BBS4: variants seen among roughly 807,000 people sequenced by gnomAD.
BBS4 encodes Bardet-Biedl syndrome 4, also known as BBSome complex member BBS4.
Under a neutral mutation model 71.4 loss-of-function variants are expected in BBS4, and 58 were observed. The ratio of observed to expected loss-of-function variants is 0.81; its 90% CI spans 0.66 to 1.01. The LOEUF is 1.01. Ranked by LOEUF, BBS4 falls within the 50% of genes least tolerant of loss-of-function variation. BBS4 has a pLI of 0.00. For missense variants in BBS4, 660 were observed against 607.9 expected (o/e 1.09, Z -0.90); for synonymous variants, 228 against 216.8 (o/e 1.05, Z -0.46).
At chr15:72,726,255 G>T (rs981588759) in intron 8 of BBS4, among the ~76,000 whole-genome samples, 1 of 151,746 alleles carries the variant, frequency 6.6e-6, no homozygotes, top group African/African-American at 2.4e-5. Flanking sequence ...GGGACTGCAC[G>T]AGCACGCCAC....
intron 2 of BBS4, among the ~76,000 whole-genome samples, chr15:72,705,054 A>G (rs2065239200): frequency 2.0e-5 from 3 of 152,136 alleles, no homozygotes; most frequent in African/African-American, 7.2e-5. Context: ...TGACCCTTCT[A>G]TTTAAAAGTA....
intron 7 of BBS4, 25 bp downstream of exon 7, chr15:72,722,872 T>G (rs1418597750): frequency 6.3e-7 from 1 of 1,599,984 alleles, no homozygotes; most frequent in Non-Finnish European, 8.6e-7. Context: ...TGGTGATAGA[T>G]TTCACTGAGG....
At chr15:72,696,384 C>CT (rs537953823) in intron 2 of BBS4, among the ~76,000 whole-genome samples, 5 of 152,078 alleles carry the variant, frequency 3.3e-5, no homozygotes, top group African/African-American at 1.2e-4. Flanking sequence ...GTAAAATTCC[C>CT]TTTTTTTAGT....
intron 10 of BBS4, among the ~76,000 whole-genome samples, chr15:72,730,300 TAAAAA>T (rs959979485): frequency 3.5e-5 from 5 of 141,576 alleles, no homozygotes; most frequent in Non-Finnish European, 6.1e-5. Flanking sequence ...AAATAAAAAA[TAAAAA>T]AAATAAATCT....
intron 2 of BBS4, 84 bp downstream of exon 2, chr15:72,695,312 C>CAG (rs1367088562): frequency 2.1e-6 from 2 of 949,044 alleles, no homozygotes; most frequent in Non-Finnish European, 3.2e-6. Context: ...TTTTTGGAGG[C>CAG]AGAGTCTCAC....
In BBS4 at chr15:72,736,842, C is replaced by T. The variant is rs2065934846; in HGVS notation, c.1329C>T (p.Pro443=). 1 of 1,614,038 alleles carries T rather than the reference C, an allele frequency of 6.2e-7. No homozygotes were observed. The highest frequency in any genetic ancestry group is 1.7e-5 in the Admixed American group (1 of 59,996). Residue 443 remains proline, a synonymous_variant, in exon 15 of 16, where the codon CCC becomes CCT. Coordinates refer to ENST00000268057, the MANE Select transcript of BBS4 (RefSeq NM_033028.5). ...TCTGGACCAAACCAGTTAAAGATCC[C>T]AAATCAAAGCACCAGACCACTTCAA... ...ALVWTKPVKD[P]KSKHQTTSTS... is the part of the protein sequence containing the mutation.
chr15:72,718,508 G>T lies in BBS4; in HGVS notation c.405+1658G>T, dbSNP rs1240705796. The stretch of plus-strand genomic sequence containing the variant: ...AGAATTAGCATGGATTTCCTTTGCA[G>T]TTCTTACGGGGCACTATTATTTTTG... On this transcript the variant is annotated intron_variant, in intron 6 of 15. Coordinates refer to ENST00000268057, the MANE Select transcript of BBS4 (RefSeq NM_033028.5). Among the ~76,000 whole-genome samples, 6 of 152,196 alleles carry T rather than the reference G, an allele frequency of 3.9e-5. 1 individual carries two copies. Among genetic ancestry groups the T allele is most frequent in the Admixed American group, 3.3e-4 (5 of 15,266 alleles).
Position 72,695,207 on chromosome 15 carries a change from CA to C in BBS4, c.60del (p.Lys20AsnfsTer19). The C allele has an allele frequency of 4.4e-6, 7 of 1,606,018 alleles. No individual in the cohort carries two copies. Among genetic ancestry groups the C allele is most frequent in the Non-Finnish European group, 6.0e-6 (7 of 1,173,004 alleles). ...RTQFPVSTES[Q>X]KPRQKKAPEF... Reference sequence around the variant, plus strand: ...TCAATTTCCTGTATCTACTGAGTCTCAAAAACCCCGGCAGAAAAAAGGTCTG... The same window carrying C: ...TCAATTTCCTGTATCTACTGAGTCTCAAAACCCCGGCAGAAAAAAGGTCTG... On this transcript the variant is annotated frameshift_variant, in exon 2 of 16. Coordinates refer to ENST00000268057, the MANE Select transcript of BBS4 (RefSeq NM_033028.5). LOFTEE classifies it high-confidence loss of function.
At chr15:72,734,128 C>G (rs569561339) in intron 12 of BBS4, among the ~76,000 whole-genome samples, 1 of 152,218 alleles carries the variant, frequency 6.6e-6, no homozygotes, top group South Asian at 2.1e-4. Flanking sequence ...TGTAAATTTG[C>G]TTAAGTTCCT....
chr15:72,726,769 C>T (rs953049002), intron 8 of BBS4, among the ~76,000 whole-genome samples: 32 of 152,330 alleles, frequency 2.1e-4, no homozygotes, highest in South Asian at 6.2e-4. Context: ...CTCTGTGGTG[C>T]TAGGTAGTAG....
intron 2 of BBS4, among the ~76,000 whole-genome samples, chr15:72,695,984 A>C (rs2065069711): frequency 6.6e-6 from 1 of 152,166 alleles, no homozygotes; most frequent in Non-Finnish European, 1.5e-5. Context: ...TGTAAATGTC[A>C]ATTAGGTCAA....
intron 2 of BBS4, among the ~76,000 whole-genome samples, chr15:72,700,319 G>A (rs920720522): frequency 2.6e-5 from 4 of 152,208 alleles, no homozygotes; most frequent in African/African-American, 9.6e-5. Flanking sequence ...GAGTGGAATT[G>A]CTTGGTCATA....
At chr15:72,710,709 T>C in intron 3 of BBS4, among the ~76,000 whole-genome samples, 1 of 152,116 alleles carries the variant, frequency 6.6e-6, no homozygotes, top group African/African-American at 2.4e-5. Context: ...CATCTAAGGT[T>C]TTTAATTTAT....
rs1394815479 is a variant in BBS4, at chr15:72,737,355, T to TA, written c.1451-121dup. 8.5e-6 allele frequency: 7 copies of TA among 819,766 alleles called. No homozygotes were observed. In the East Asian group the frequency reaches 1.6e-4, roughly 19 times the overall value. The allele number at this position is 819,766 out of a possible 1,614,324, so 50.8% of individuals were successfully genotyped here. On this transcript the variant is annotated intron_variant, in intron 15 of 15. Transcript: ENST00000268057. ...CTCAGTTATAGTCTTCCCTTATAGT[T>TA]AATGGGTCAGTCCCACTGGTTCCAG...
chr15:72,734,592 A>C (rs972844865), intron 12 of BBS4, among the ~76,000 whole-genome samples: 2 of 152,176 alleles, frequency 1.3e-5, no homozygotes, highest in African/African-American at 2.4e-5. Flanking sequence ...GTGAGTGCAT[A>C]GCTGGTGGGG....
rs147202164 is a variant in BBS4, at chr15:72,735,954, A to T, written c.1236A>T (p.Glu412Asp). ...VSLLKDNSSL[E>D]FDSEMVEMAQ... ...TACTCAAGGACAATAGCTCTCTGGA[A>T]TTTGACTCTGAGGTATGTCTTTTAT... is the stretch of plus-strand genomic sequence containing the variant. Residue 412 changes from glutamate to aspartate, a missense_variant, in exon 14 of 16, where the codon GAA (glutamate) becomes GAT (aspartate). Physicochemically the swap from Glu to Asp is conservative, Grantham distance 45 (BLOSUM62 2). Coordinates refer to ENST00000268057, the MANE Select transcript of BBS4 (RefSeq NM_033028.5). 1.2e-3 allele frequency: 1,913 copies of T among 1,614,128 alleles called. 13 individuals are homozygous for T. Among genetic ancestry groups the T allele is most frequent in the Middle Eastern group, 8.3e-3 (50 of 6,060 alleles).
chr15:72,737,351 T>C (rs1158731065), intron 15 of BBS4, 127 bp from the exon 16 acceptor site: 8 of 789,202 alleles, frequency 1.0e-5, no homozygotes, highest in Middle Eastern at 2.3e-4. Flanking sequence ...TCTTCCCTTA[T>C]AGTTAATGGG....
Position 72,695,252 on chromosome 15 carries a change from G to A in BBS4, c.76+24G>A, listed in dbSNP as rs763681424. ...AGGTCTGTATGCAGTTTCATGGTAT[G>A]TGTATGTTTGCACAGACAGATTTCT... On this transcript the variant is annotated intron_variant, in intron 2 of 15. Coordinates refer to ENST00000268057, the MANE Select transcript of BBS4 (RefSeq NM_033028.5). 1.0e-5 allele frequency: 15 copies of A among 1,463,152 alleles called. No individual in the cohort carries two copies. The African/African-American group carries it at 1.4e-4, about 14-fold the overall frequency. 90.6% of individuals were successfully genotyped at this position (1,463,152 alleles called of 1,614,324 possible). A position where few individuals can be genotyped will look rare whatever the true frequency, so the allele number is the denominator to read the frequency against.
chr15:72,703,072 A>G (rs113172362), intron 2 of BBS4, among the ~76,000 whole-genome samples: 2,319 of 151,692 alleles, frequency 0.015, 48 homozygotes, highest in African/African-American at 0.053. Flanking sequence ...CGGCCTCCCA[A>G]AGTGCTGGGA....
Sources: gnomAD v4.1 joint callset for allele counts (sites outside exome capture counted in the v4.1 genomes callset) on GRCh38, gnomAD v4.1.1 for gene constraint, MANE v1.5 for transcripts, NCBI Gene and HGNC (gene_info 2026-07-23, HGNC 2026-07-21) for gene names.